Variants in SEC22B observed in about 807,000 individuals in gnomAD.
SEC22B encodes the protein SEC22 homolog B, vesicle trafficking protein.
SEC22B carries 10 observed loss-of-function variants against 31.4 expected under a neutral mutation model. The observed-to-expected ratio is 0.32, with a 90% CI of 0.20 to 0.54. SEC22B has a LOEUF of 0.54. Among genes scored for constraint, SEC22B ranks in the 20% least tolerant of loss-of-function variants. SEC22B has a pLI of 0.94. For missense variants in SEC22B, 130 were observed against 263.4 expected, an observed-to-expected ratio of 0.49 and a Z score of 3.50; for synonymous variants, 60 against 95.9, an observed-to-expected ratio of 0.63 and a Z score of 2.19.
Position 120,160,442 on chromosome 1 carries a change from C to T in SEC22B, c.435G>A (p.Val145=), listed in dbSNP as rs1657697291. The change falls in exon 4 of 5, where the codon GTG becomes GTA. Residue 145 remains valine, a synonymous_variant. Transcript: ENST00000578049. ...LGSINTELQD[V]QRIMVANIEE... ...CAATATTGGCCACCATGATCCTCTG[C>T]ACATCTTGCAATTCAGTGTTGATGG... 1.2e-6 allele frequency: 2 copies of T among 1,612,736 alleles called. No homozygotes were observed. The highest frequency in any genetic ancestry group is 8.5e-7 in the Non-Finnish European group (1 of 1,179,226).
chr1:120,176,138 C>G (rs1424282435), intron 1 of SEC22B, 169 bp downstream of exon 1: 1 of 170,974 alleles, frequency 5.8e-6, no homozygotes, highest in African/African-American at 2.4e-5. Context: ...GGAAAGATTT[C>G]CTCTTCGCCG....
In SEC22B at chr1:120,160,899, A is replaced by AG. The variant is rs1157566608; in HGVS notation, c.347-370_347-369insC. Among the ~76,000 whole-genome samples the AG allele has an allele frequency of 9.4e-4, 87 of 92,292 alleles. No homozygotes were observed. In the African/African-American group the frequency reaches 9.4e-3, roughly 10 times the overall value. The allele number at this position is 92,292 out of a possible 152,430, so 60.5% of individuals were successfully genotyped here. Reference sequence around the variant, plus strand: ...AGAGCAAGACTCTGTCTCAAAAACAAAAAAAAAAAAACCAAAACAGTTCTG... The same window carrying AG: ...AGAGCAAGACTCTGTCTCAAAAACAAGAAAAAAAAAAACCAAAACAGTTCTG... On this transcript the variant is annotated intron_variant, in intron 3 of 4. Transcript: ENST00000578049.
chr1:120,170,039 C>T (rs1195629418), intron 1 of SEC22B, among the ~76,000 whole-genome samples: 2 of 149,366 alleles, frequency 1.3e-5, no homozygotes, highest in Non-Finnish European at 3.0e-5. Flanking sequence ...GAGGAAACAG[C>T]CAGAAGGTGA....
In SEC22B at chr1:120,163,327, C is replaced by T; in HGVS notation, c.229G>A (p.Ala77Thr). 1.9e-6 allele frequency: 3 copies of T among 1,607,694 alleles called. No individual in the cohort carries two copies. The highest frequency in any genetic ancestry group is 2.2e-5 in the East Asian group (1 of 44,626). ...AAAGCCAACTTCTTAGGGAAGGCAG[C>T]TTCACATAAAACCAAATAACACACC... ...QGVCYLVLCE[A>T]AFPKKLAFAY... Residue 77 changes from alanine (A) to threonine (T), a missense_variant, in exon 3 of 5, where the codon GCT (alanine) becomes ACT (threonine). Physicochemically the swap from Ala to Thr is moderately conservative, Grantham distance 58 (BLOSUM62 0). This residue lies in a region of SEC22B where 41 missense variants were observed against 124.9 expected (regional missense o/e 0.33). Coordinates refer to ENST00000578049, the MANE Select transcript of SEC22B (RefSeq NM_004892.6).
At chr1:120,167,646 T>C (rs1343603862) in intron 2 of SEC22B, among the ~76,000 whole-genome samples, 2 of 151,924 alleles carry the variant, frequency 1.3e-5, no homozygotes, top group African/African-American at 4.8e-5. Context: ...TTTGAGTATA[T>C]GTCTCTCTCT....
Position 120,163,357 on chromosome 1 carries a change from G to C in SEC22B, c.199C>G (p.Gln67Glu). The C allele has an allele frequency of 1.9e-6, 3 of 1,595,026 alleles. No homozygotes were observed. Among genetic ancestry groups the C allele is most frequent in the Non-Finnish European group, 2.6e-6 (3 of 1,171,570 alleles). Residue 67 changes from glutamine to glutamate, a missense_variant, in exon 3 of 5, where the codon CAG becomes GAG. This residue lies in a region of SEC22B where 41 missense variants were observed against 124.9 expected (regional missense o/e 0.33). Coordinates refer to ENST00000578049, the MANE Select transcript of SEC22B (RefSeq NM_004892.6). ...GAMTFHYIIE[Q>E]GVCYLVLCEA... The stretch of plus-strand genomic sequence containing the variant: ...CATAAAACCAAATAACACACCCCCT[G>C]CTCAATAATGTAGCTGGTGAGACAT...
At chr1:120,168,159 T>C (rs1360294579) in intron 2 of SEC22B, among the ~76,000 whole-genome samples, 190 of 152,176 alleles carry the variant, frequency 1.2e-3, no homozygotes, top group Non-Finnish European at 2.3e-3. Context: ...TCCGTTTTTA[T>C]TTTCCTCTGA....
At chr1:120,162,319 A>C (rs1280546150) in intron 3 of SEC22B, among the ~76,000 whole-genome samples, 4 of 97,910 alleles carry the variant, frequency 4.1e-5, no homozygotes, top group East Asian at 2.6e-4. Flanking sequence ...CATTTGTCTT[A>C]TTTTTGAGGG....
chr1:120,156,618 A>C lies in SEC22B; in HGVS notation c.*420T>G, dbSNP rs1657630284. The C allele has an allele frequency of 6.8e-6, 1 of 147,648 alleles. No homozygotes were observed. The highest frequency in any genetic ancestry group is 1.5e-5 in the Non-Finnish European group (1 of 66,844). The allele number at this position is 147,648 out of a possible 1,614,324, so 9.1% of individuals were successfully genotyped here. A position where few individuals can be genotyped will look rare whatever the true frequency, so the allele number is the denominator to read the frequency against. ...TGATTAGAGTCAAAAAAAAAAAAAAAAAAAAAAACACCTTCCCAAAGGACT... is the reference window on the plus strand; with the variant it reads ...TGATTAGAGTCAAAAAAAAAAAAAACAAAAAAAACACCTTCCCAAAGGACT... On this transcript the variant is annotated 3_prime_UTR_variant, in exon 5 of 5. Transcript: ENST00000578049.
chr1:120,153,334 T>C lies in SEC22B; in HGVS notation c.*3704A>G, dbSNP rs1207692681. On this transcript the variant is annotated 3_prime_UTR_variant, in exon 5 of 5. Transcript: ENST00000578049. ...TAACTAACTAACCAAAAACCTTAAT[T>C]GTATGGCCATCAGCACCCTAGCCCT... is the stretch of plus-strand genomic sequence containing the variant. The C allele has an allele frequency of 3.3e-5, 5 of 151,436 alleles. No homozygotes were observed. Among genetic ancestry groups the C allele is most frequent in the Non-Finnish European group, 7.4e-5 (5 of 67,962 alleles). 9.4% of individuals were successfully genotyped at this position (151,436 alleles called of 1,614,324 possible). A position where few individuals can be genotyped will look rare whatever the true frequency, so the allele number is the denominator to read the frequency against.
intron 3 of SEC22B, among the ~76,000 whole-genome samples, chr1:120,162,645 A>G (rs1362675808): frequency 2.0e-5 from 3 of 152,300 alleles, no homozygotes; most frequent in East Asian, 1.9e-4. Context: ...TAGTCTTTCT[A>G]TAATTCTTGC....
At chr1:120,161,500 C>G (rs1349535534) in intron 3 of SEC22B, among the ~76,000 whole-genome samples, 11 of 151,630 alleles carry the variant, frequency 7.3e-5, no homozygotes, top group African/African-American at 2.4e-4. Context: ...TCGAGACCAG[C>G]CTGGCCAACA....
chr1:120,153,200 C>G lies in SEC22B; in HGVS notation c.*3838G>C, dbSNP rs1313597925. The stretch of plus-strand genomic sequence containing the variant: ...TCATTCTATCTCAAACTCTGTCACA[C>G]ATACAATGACTGCTATTTACCTTCC... On this transcript the variant is annotated 3_prime_UTR_variant, in exon 5 of 5. Transcript: ENST00000578049. 2.7e-5 allele frequency: 4 copies of G among 150,764 alleles called. No homozygotes were observed. In the East Asian group the frequency reaches 7.8e-4, roughly 30 times the overall value. 9.3% of individuals were successfully genotyped at this position (150,764 alleles called of 1,614,324 possible). A position where few individuals can be genotyped will look rare whatever the true frequency, so the allele number is the denominator to read the frequency against.
intron 2 of SEC22B, among the ~76,000 whole-genome samples, chr1:120,163,945 CTTTTTTTT>C (rs1169530604): frequency 3.0e-4 from 21 of 68,920 alleles, no homozygotes; most frequent in Admixed American, 1.9e-3. Context: ...ATTAGATTCT[CTTTTTTTT>C]TTTTTTTTTT....
chr1:120,169,910 G>C (rs1215823018), intron 1 of SEC22B, among the ~76,000 whole-genome samples: 1 of 150,248 alleles, frequency 6.7e-6, no homozygotes, highest in Non-Finnish European at 1.5e-5. Flanking sequence ...CCAAAGTGAT[G>C]GTATTAAGAA....
intron 1 of SEC22B, among the ~76,000 whole-genome samples, chr1:120,170,838 A>G (rs1657884790): frequency 6.8e-6 from 1 of 146,870 alleles, no homozygotes; most frequent in Non-Finnish European, 1.5e-5. Context: ...ACAATATTCT[A>G]TTTTCCTAAA....
intron 2 of SEC22B, among the ~76,000 whole-genome samples, chr1:120,166,527 T>A (rs1657813853): frequency 8.6e-5 from 12 of 140,198 alleles, no homozygotes. Context: ...AAATCAGTCA[T>A]GCACAGAAAG....
In SEC22B at chr1:120,152,193, C is replaced by G. The variant is rs1333818692; in HGVS notation, c.*4845G>C. 1.3e-5 allele frequency: 2 copies of G among 150,748 alleles called. No individual in the cohort carries two copies. Among genetic ancestry groups the G allele is most frequent in the African/African-American group, 4.9e-5 (2 of 40,632 alleles). The allele number at this position is 150,748 out of a possible 1,614,324, so 9.3% of individuals were successfully genotyped here. ...CTTGTTTCTTGAAGAATTCTTGTCA[C>G]ACTTGACATTTTTTACAGAGATTTC... is the stretch of plus-strand genomic sequence containing the variant. On this transcript the variant is annotated 3_prime_UTR_variant, in exon 5 of 5. Transcript: ENST00000578049.
chr1:120,165,118 A>C (rs1245789994), intron 2 of SEC22B, among the ~76,000 whole-genome samples: 4 of 152,160 alleles, frequency 2.6e-5, no homozygotes, highest in African/African-American at 9.7e-5. Context: ...TTAATACTTA[A>C]GACTTTTTCT....
Sources: allele counts gnomAD v4.1 joint callset (sites outside exome capture counted in the v4.1 genomes callset), GRCh38; gene constraint gnomAD v4.1.1; regional missense constraint gnomAD v4.1.1; transcripts MANE v1.5; gene names NCBI Gene and HGNC (gene_info 2026-07-23, HGNC 2026-07-21).